MRTFA: variants seen among roughly 807,000 people sequenced by gnomAD.
The protein encoded by MRTFA is myocardin-related transcription factor A.
A neutral mutation model predicts 83.5 loss-of-function variants in MRTFA; 20 were observed. The ratio of observed to expected loss-of-function variants is 0.24; its 90% CI spans 0.17 to 0.35. The LOEUF (loss-of-function observed/expected upper bound fraction) is 0.35. Among genes scored for constraint, MRTFA ranks in the 10% least tolerant of loss-of-function variants. The pLI is 1.00. For synonymous variants in MRTFA, 659 were observed against 541.2 expected, an observed-to-expected ratio of 1.22 and a Z score of -3.02; for missense variants, 1,200 against 1,224.7, an observed-to-expected ratio of 0.98 and a Z score of 0.30.
chr22:40,575,961 T>C (rs928493897), intron 2 of MRTFA, among the ~76,000 whole-genome samples: 11 of 151,934 alleles, frequency 7.2e-5, no homozygotes, highest in Admixed American at 3.3e-4. Context: ...GATTTAAATA[T>C]ATTCAACTGA....
At chr22:40,468,875 G>C (rs904494107) in intron 3 of MRTFA, among the ~76,000 whole-genome samples, 1 of 152,254 alleles carries the variant, frequency 6.6e-6, no homozygotes, top group Middle Eastern at 3.4e-3. Flanking sequence ...ACAATCAACT[G>C]AAAGACTGGT....
intron 4 of MRTFA, among the ~76,000 whole-genome samples, chr22:40,442,039 G>C (rs1045799825): frequency 2.6e-5 from 4 of 152,112 alleles, no homozygotes; most frequent in African/African-American, 9.7e-5. Flanking sequence ...AGGACATCAA[G>C]CCAACACTTT....
chr22:40,576,757 C>A (rs2055873468), intron 2 of MRTFA, among the ~76,000 whole-genome samples: 2 of 151,850 alleles, frequency 1.3e-5, no homozygotes, highest in Non-Finnish European at 2.9e-5. Context: ...ATAATGTATA[C>A]CTAAAGTAGT....
chr22:40,475,246 ATACAAAAGCCATC>A lies in MRTFA; in HGVS notation c.242-11973_242-11961del, dbSNP rs113852774. ...TCTAATAACTGGCCCTGTCTTTAAGATACAAAAGCCATCTAAGGTGGTGGTTCACGTCTGTAAT... is the reference window on the plus strand; with the variant it reads ...TCTAATAACTGGCCCTGTCTTTAAGATAAGGTGGTGGTTCACGTCTGTAAT... On this transcript the variant is annotated intron_variant, in intron 3 of 14. Transcript: ENST00000355630. Among the ~76,000 whole-genome samples the A allele has an allele frequency of 7.5e-3, 1,144 of 152,216 alleles. 22 individuals are homozygous for A. The highest frequency in any genetic ancestry group is 0.071 in the Middle Eastern group (21 of 294).
In MRTFA at chr22:40,475,788, C is replaced by G. The variant is rs189063670; in HGVS notation, c.242-12502G>C. Among the ~76,000 whole-genome samples, 256 of 152,308 alleles carry G rather than the reference C, an allele frequency of 1.7e-3. 3 individuals are homozygous for G. Among genetic ancestry groups the G allele is most frequent in the South Asian group, 0.014 (69 of 4,830 alleles). On this transcript the variant is annotated intron_variant, in intron 3 of 14. Transcript: ENST00000355630. ...AGCAGAAAGATGGTACTGCCCAACA[C>G]TGGAAGTCAGAGAAAAAGAGAAACA...
chr22:40,424,893 G>A (rs1237210469), intron 7 of MRTFA, among the ~76,000 whole-genome samples: 3 of 152,236 alleles, frequency 2.0e-5, no homozygotes, highest in Non-Finnish European at 2.9e-5. Flanking sequence ...AGCCCTGTGA[G>A]TGTAGCTGAA....
At chr22:40,566,378 C>T (rs999245588) in intron 2 of MRTFA, among the ~76,000 whole-genome samples, 7 of 152,108 alleles carry the variant, frequency 4.6e-5, no homozygotes, top group African/African-American at 1.4e-4. Context: ...CACCGCCACA[C>T]CTGGCTAATT....
intron 1 of MRTFA, among the ~76,000 whole-genome samples, chr22:40,633,401 G>A (rs562341351): frequency 2.6e-5 from 4 of 152,116 alleles, no homozygotes; most frequent in South Asian, 2.1e-4. Flanking sequence ...GTGTTTTCTC[G>A]AAATATAATA....
chr22:40,420,473 C>A lies in MRTFA; in HGVS notation c.1285G>T (p.Ala429Ser), dbSNP rs752559006. Residue 429 changes from alanine (A) to serine (S), a missense_variant, in exon 11 of 15, where the codon GCA becomes TCA. Physicochemically the swap from Ala to Ser is moderately conservative, Grantham distance 99. This residue lies in a region of MRTFA where 1,107 missense variants were observed against 1,041.8 expected (regional missense o/e 1.06). Coordinates refer to ENST00000355630, the MANE Select transcript of MRTFA (RefSeq NM_020831.6). ...GTCAGTGAGGTGCTGTTCTGACGTG[C>A]CAGCCCACAGGGCCCAGGGGCGCCC... The A allele has an allele frequency of 5.0e-5, 81 of 1,613,654 alleles. No homozygotes were observed. Among genetic ancestry groups the A allele is most frequent in the Non-Finnish European group, 6.6e-5 (78 of 1,180,050 alleles).
At chr22:40,595,736 G>T (rs559195766) in intron 1 of MRTFA, among the ~76,000 whole-genome samples, 67 of 152,190 alleles carry the variant, frequency 4.4e-4, no homozygotes, top group African/African-American at 1.5e-3. Flanking sequence ...AAGGCTTTAC[G>T]TAAGAGATGC....
In MRTFA at chr22:40,418,904, G is replaced by A. The variant is rs778511999; in HGVS notation, c.1834C>T (p.Pro612Ser). Residue 612 changes from proline to serine, a missense_variant, in exon 12 of 15, where the codon CCT becomes TCT. Physicochemically the swap from Pro to Ser is moderately conservative, Grantham distance 74 (BLOSUM62 -1). This residue lies in a region of MRTFA where 1,107 missense variants were observed against 1,041.8 expected (regional missense o/e 1.06). Transcript: ENST00000355630. ...CCCTCTAGCTCCGCCCGCCCCCCAG[G>A]GCTCAGGCAACAGGACCCGGCCCGG... The A allele has an allele frequency of 1.9e-6, 3 of 1,612,760 alleles. No homozygotes were observed. The highest frequency in any genetic ancestry group is 2.2e-5 in the South Asian group (2 of 91,080).
intron 2 of MRTFA, 47 bp downstream of exon 2, chr22:40,594,627 C>T (rs957200484): frequency 6.6e-6 from 1 of 152,002 alleles, no homozygotes; most frequent in Admixed American, 6.6e-5. Context: ...TACTAACGAC[C>T]ACATTAGGAA....
intron 3 of MRTFA, among the ~76,000 whole-genome samples, chr22:40,519,967 A>G (rs984805243): frequency 1.3e-5 from 2 of 152,370 alleles, no homozygotes; most frequent in Admixed American, 1.3e-4. Flanking sequence ...TTGAACTTCA[A>G]TTCAGACACA....
chr22:40,584,202 G>C lies in MRTFA; in HGVS notation c.-22+10472C>G, dbSNP rs2055990407. On this transcript the variant is annotated intron_variant, in intron 2 of 14. Transcript: ENST00000355630. ...ATAGAATTTCTGAATTTTAGGATTT[G>C]AAGAAATCTAAAGTGTCCAATGGTT... Among the ~76,000 whole-genome samples, 3 of 152,130 alleles carry C rather than the reference G, an allele frequency of 2.0e-5. No individual in the cohort carries two copies. In the South Asian group the frequency reaches 6.2e-4, roughly 32 times the overall value.
intron 3 of MRTFA, among the ~76,000 whole-genome samples, chr22:40,540,104 T>C (rs1238545244): frequency 2.0e-5 from 3 of 151,066 alleles, no homozygotes; most frequent in Non-Finnish European, 4.4e-5. Flanking sequence ...GAGATGGGGG[T>C]TGTCATCATG....
intron 2 of MRTFA, among the ~76,000 whole-genome samples, chr22:40,563,561 CA>C (rs1195979556): frequency 6.8e-6 from 1 of 147,246 alleles, no homozygotes; most frequent in Non-Finnish European, 1.5e-5. Flanking sequence ...CACAGAAGAT[CA>C]GAAAAAGCTT....
At position 40,612,497 on chromosome 22, in the gene MRTFA, T is replaced by C. The variant is rs1410062683; in HGVS notation, c.-83-17762A>G. ...TCAAATTTGGCACGCAAACGTTTTT[T>C]GTTTAGTCCACAGAGTATTGACCTG... is the stretch of plus-strand genomic sequence containing the variant. On this transcript the variant is annotated intron_variant, in intron 1 of 14. Coordinates refer to ENST00000355630, the MANE Select transcript of MRTFA (RefSeq NM_020831.6). Among the ~76,000 whole-genome samples the C allele has an allele frequency of 2.0e-5, 3 of 152,244 alleles. No individual in the cohort carries two copies. In the East Asian group the frequency reaches 5.8e-4, roughly 29 times the overall value.
At chr22:40,472,206 T>C (rs886377454) in intron 3 of MRTFA, among the ~76,000 whole-genome samples, 3 of 152,226 alleles carry the variant, frequency 2.0e-5, no homozygotes, top group Non-Finnish European at 4.4e-5. Flanking sequence ...GAATGGGGCC[T>C]AGACCTCATC....
At chr22:40,476,970 G>A (rs1036658228) in intron 3 of MRTFA, among the ~76,000 whole-genome samples, 1 of 151,926 alleles carries the variant, frequency 6.6e-6, no homozygotes, top group Admixed American at 6.6e-5. Flanking sequence ...CTGGGTAAAG[G>A]GTTAACAGCA....
Sources: allele counts gnomAD v4.1 joint callset (sites outside exome capture counted in the v4.1 genomes callset), GRCh38; gene constraint gnomAD v4.1.1; regional missense constraint gnomAD v4.1.1; transcripts MANE v1.5; gene names NCBI Gene and HGNC (gene_info 2026-07-23, HGNC 2026-07-21).